Variants in FLT4 observed in about 807,000 individuals in gnomAD.
FLT4 encodes vascular endothelial growth factor receptor 3.
Under a neutral mutation model 163.2 loss-of-function variants are expected in FLT4, and 30 were observed. That is an observed-to-expected ratio of 0.18 (90% CI 0.14 to 0.25). The LOEUF is 0.25. Among genes scored for constraint, FLT4 ranks in the 10% least tolerant of loss-of-function variants. FLT4 has a pLI of 1.00. For missense variants in FLT4, 1,510 were observed against 1,863.8 expected (o/e 0.81, Z 3.50); for synonymous variants, 884 against 789.5 (o/e 1.12, Z -2.01).
rs1763110156 is a variant in FLT4 at position 180,621,144 on chromosome 5, A to G, written c.2129T>C (p.Val710Ala). The change falls in exon 14 of 30, where the codon GTG (valine) becomes GCG (alanine). Residue 710 changes from valine (V) to alanine (A), a missense_variant. Coordinates refer to ENST00000261937, the MANE Select transcript of FLT4 (RefSeq NM_182925.5). ...LVAGAHAPSI[V>A]WYKDERLLEE... ...CAGCAGCCTCTCGTCTTTGTACCAC[A>G]CGATGCTGGGCGCGTGCGCTCCGGC... 1 of 1,612,740 alleles carries G rather than the reference A, an allele frequency of 6.2e-7. No individual in the cohort carries two copies. Among genetic ancestry groups the G allele is most frequent in the Non-Finnish European group, 8.5e-7 (1 of 1,179,962 alleles).
intron 23 of FLT4, among the ~76,000 whole-genome samples, chr5:180,615,593 C>T (rs1249357403): frequency 3.4e-5 from 2 of 59,474 alleles, no homozygotes; most frequent in African/African-American, 1.3e-4. Context: ...CACTGGGTCC[C>T]GCTGGTCACC....
chr5:180,637,263 G>C (rs1299068507), intron 1 of FLT4, among the ~76,000 whole-genome samples: 1 of 150,950 alleles, frequency 6.6e-6, no homozygotes, highest in Non-Finnish European at 1.5e-5. Flanking sequence ...CTGGGAGGCA[G>C]AGGTTGCAGT....
chr5:180,633,527 G>A (rs112402114), intron 1 of FLT4, among the ~76,000 whole-genome samples: 2,839 of 152,268 alleles, frequency 0.019, 90 homozygotes, highest in African/African-American at 0.063. Context: ...CTGGCAGCCC[G>A]TAGCTTGCAC....
rs1483953430 is a variant in FLT4, at chr5:180,619,053, G to A, written c.2818C>T (p.Arg940Cys). 6.4e-7 allele frequency: 1 copy of A among 1,558,258 alleles called. No homozygotes were observed. The highest frequency in any genetic ancestry group is 1.7e-4 in the Middle Eastern group (1 of 5,856). Residue 940 changes from arginine to cysteine, a missense_variant, in exon 20 of 30, where the codon CGC becomes TGC. Arg to Cys is a radical substitution (Grantham distance 180, BLOSUM62 -3). Around this residue, in one of 5 missense-constraint regions of FLT4, gnomAD observed 878 missense variants for 1,016.7 expected, o/e 0.86. Coordinates refer to ENST00000261937, the MANE Select transcript of FLT4 (RefSeq NM_182925.5). ...CKYGNLSNFL[R>C]AKRDAFSPCA... ...GGGCTGAAGGCGTCCCGCTTGGCGC[G>A]CAGGAAGTTGGAGAGGTTGCCGTAC...
chr5:180,638,837 GTT>G (rs989690482), intron 1 of FLT4, among the ~76,000 whole-genome samples: 1 of 152,176 alleles, frequency 6.6e-6, no homozygotes, highest in African/African-American at 2.4e-5. Context: ...TTATTTATGT[GTT>G]TGTTTGTTTA....
chr5:180,614,761 G>A (rs1762508264), intron 23 of FLT4, among the ~76,000 whole-genome samples: 1 of 152,132 alleles, frequency 6.6e-6, no homozygotes, highest in Non-Finnish European at 1.5e-5. Flanking sequence ...TACGGCATAA[G>A]GGAGGTTTTT....
At chr5:180,612,373 C>T (rs2127793565) in intron 26 of FLT4, 133 bp downstream of exon 26, 2 of 738,276 alleles carry the variant, frequency 2.7e-6, no homozygotes, top group African/African-American at 1.7e-5. Flanking sequence ...GGATAGGGGC[C>T]CAGGACCCCA....
rs1761578325 is a variant in FLT4, at chr5:180,602,718, C to T, written c.*474G>A. The T allele has an allele frequency of 2.2e-6, 1 of 449,586 alleles. No homozygotes were observed. 27.8% of individuals were successfully genotyped at this position (449,586 alleles called of 1,614,324 possible). A position where few individuals can be genotyped will look rare whatever the true frequency, so the allele number is the denominator to read the frequency against. On this transcript the variant is annotated 3_prime_UTR_variant, in exon 30 of 30. Transcript: ENST00000261937. ...TGCAGGGGTGGGTGAGGCCAGCCAG[C>T]CCTCGTGGGGAGAGTAGCTGTGTGC...
chr5:180,640,469 C>G (rs1337657119), intron 1 of FLT4, among the ~76,000 whole-genome samples: 1 of 152,232 alleles, frequency 6.6e-6, no homozygotes, highest in Non-Finnish European at 1.5e-5. Flanking sequence ...GCCTCAGAGA[C>G]CCCTGCAGGC....
At chr5:180,645,134 G>T (rs557690639) in intron 1 of FLT4, among the ~76,000 whole-genome samples, 3 of 152,006 alleles carry the variant, frequency 2.0e-5, no homozygotes, top group East Asian at 1.9e-4. Context: ...TGGGTGAGTT[G>T]GGGGGGGCCC....
In FLT4 at chr5:180,620,555, C is replaced by T; in HGVS notation, c.2406+54G>A. On this transcript the variant is annotated intron_variant, in intron 16 of 29. Transcript: ENST00000261937. This position sits in a 1 kb window ranked among gnomAD's most constrained non-coding sequence, Gnocchi z 4.4. ...CCTTATTCTTTATCTTAGGGGCGGC[C>T]AGGGTGGGGAAGGCCTGAGAGAGAC... 1 of 1,411,300 alleles carries T rather than the reference C, an allele frequency of 7.1e-7. No individual in the cohort carries two copies. The highest frequency in any genetic ancestry group is 1.0e-6 in the Non-Finnish European group (1 of 998,512). The allele number at this position is 1,411,300 out of a possible 1,614,324, so 87.4% of individuals were successfully genotyped here. A position where few individuals can be genotyped will look rare whatever the true frequency, so the allele number is the denominator to read the frequency against.
chr5:180,608,008 T>C, intron 29 of FLT4: 1 of 679,068 alleles, frequency 1.5e-6, no homozygotes, highest in Admixed American at 2.1e-5. Context: ...CTTGGAGGAG[T>C]CAGGGAACAC....
upstream of FLT4, among the ~76,000 whole-genome samples, chr5:180,649,902 C>T (rs1765662106): frequency 6.6e-6 from 1 of 152,128 alleles, no homozygotes; most frequent in Admixed American, 6.5e-5. Context: ...CCTTTCTTTC[C>T]ATCGGTAAAA....
intron 1 of FLT4, among the ~76,000 whole-genome samples, chr5:180,641,598 C>T (rs1000002539): frequency 1.1e-5 from 1 of 90,058 alleles, no homozygotes; most frequent in Admixed American, 9.1e-5. Flanking sequence ...CACCTGCACC[C>T]TCTCTTCACT....
At chr5:180,649,424 G>T in intron 1 of FLT4, 64 bp downstream of exon 1, 1 of 1,281,610 alleles carries the variant, frequency 7.8e-7, no homozygotes, top group Non-Finnish European at 1.0e-6. Flanking sequence ...CCCGCCCCAG[G>T]TGCGCGGTAC....
Position 180,628,913 on chromosome 5 carries a change from G to A in FLT4, c.1072C>T (p.Leu358=). 1 of 1,612,524 alleles carries A rather than the reference G, an allele frequency of 6.2e-7. No individual in the cohort carries two copies. Among genetic ancestry groups the A allele is most frequent in the South Asian group, 1.1e-5 (1 of 91,078 alleles). ...AACTCGGGCGGGGGGTACGCTGCCAGCTTCACGGGCAGCTTCACCAGCTCG... is the reference window on the plus strand; with the variant it reads ...AACTCGGGCGGGGGGTACGCTGCCAACTTCACGGGCAGCTTCACCAGCTCG... ...GDELVKLPVK[L]AAYPPPEFQW... is the part of the protein sequence containing the mutation. The change falls in exon 8 of 30, where the codon CTG becomes TTG. Residue 358 remains leucine, a synonymous_variant. Coordinates refer to ENST00000261937, the MANE Select transcript of FLT4 (RefSeq NM_182925.5).
At chr5:180,619,569 C>A (rs1762963658) in intron 18 of FLT4, 96 bp downstream of exon 18, 1 of 1,086,160 alleles carries the variant, frequency 9.2e-7, no homozygotes. Flanking sequence ...TGGCTTCCAG[C>A]CTCAGTCTCC....
intron 23 of FLT4, among the ~76,000 whole-genome samples, chr5:180,614,691 G>A (rs897198762): frequency 6.8e-6 from 1 of 145,996 alleles, no homozygotes; most frequent in Non-Finnish European, 1.5e-5. Context: ...GAGGGCCAGG[G>A]CCCTTCTGGA....
chr5:180,614,242 T>G, intron 23 of FLT4, 63 bp from the exon 24 acceptor site: 2 of 650,114 alleles, frequency 3.1e-6, no homozygotes, highest in Non-Finnish European at 4.8e-6. Context: ...GCGTGTCCCG[T>G]GGTGGATGGG....
Sources: gnomAD v4.1 joint callset for allele counts (sites outside exome capture counted in the v4.1 genomes callset) on GRCh38, gnomAD v4.1.1 for gene constraint, gnomAD v4.1.1 regional missense constraint, Gnocchi (gnomAD v3.1) non-coding constraint, MANE v1.5 for transcripts, NCBI Gene and HGNC (gene_info 2026-07-23, HGNC 2026-07-21) for gene names.